CLPB: variants seen among roughly 807,000 people sequenced by gnomAD.
CLPB encodes ClpB family mitochondrial disaggregase, also known as mitochondrial disaggregase.
CLPB carries 40 observed loss-of-function variants against 78.4 expected under a neutral mutation model. The observed-to-expected ratio is 0.51, with a 90% CI of 0.40 to 0.66. CLPB has a LOEUF of 0.66. CLPB is among the 30% of genes least tolerant of loss of function. The probability of loss-of-function intolerance (pLI) is 0.00; values close to 1 mark genes in which losing one functional copy is unlikely to be tolerated. For missense variants in CLPB, 780 were observed against 886.9 expected (o/e 0.88, Z 1.53); for synonymous variants, 333 against 348.0 (o/e 0.96, Z 0.48).
intron 6 of CLPB, among the ~76,000 whole-genome samples, chr11:72,318,880 G>T (rs974080889): frequency 1.3e-5 from 2 of 152,156 alleles, no homozygotes; most frequent in Non-Finnish European, 2.9e-5. Context: ...TTCAGCCATA[G>T]ATCTGCTTTT....
intron 9 of CLPB, among the ~76,000 whole-genome samples, chr11:72,306,336 G>C (rs1032891707): frequency 2.0e-5 from 3 of 152,198 alleles, no homozygotes. Flanking sequence ...GGCTGGCAGA[G>C]GCCCAAGAAA....
At chr11:72,415,740 T>C (rs1367399168) in intron 2 of CLPB, among the ~76,000 whole-genome samples, 1 of 152,156 alleles carries the variant, frequency 6.6e-6, no homozygotes, top group African/African-American at 2.4e-5. Flanking sequence ...GATTACAAGC[T>C]TAACAGAACC....
intron 4 of CLPB, among the ~76,000 whole-genome samples, chr11:72,370,891 C>T (rs1951029081): frequency 6.6e-6 from 1 of 152,164 alleles, no homozygotes; most frequent in Admixed American, 6.5e-5. Context: ...ACCTTCAAGG[C>T]TCTTCTCTGT....
intron 15 of CLPB, 130 bp from the exon 16 acceptor site, chr11:72,293,745 A>G (rs1355484751): frequency 1.8e-5 from 21 of 1,148,242 alleles, no homozygotes; most frequent in East Asian, 1.5e-4. Context: ...TCATTTGCCA[A>G]TTGGGGCTAA....
At chr11:72,343,979 G>A (rs1443776325) in intron 5 of CLPB, among the ~76,000 whole-genome samples, 1 of 152,106 alleles carries the variant, frequency 6.6e-6, no homozygotes, top group Non-Finnish European at 1.5e-5. Flanking sequence ...TTCCATTTCT[G>A]TTTGTCAGGA....
At chr11:72,338,121 C>T (rs568074634) in intron 5 of CLPB, among the ~76,000 whole-genome samples, 1 of 152,314 alleles carries the variant, frequency 6.6e-6, no homozygotes, top group South Asian at 2.1e-4. Flanking sequence ...TTGAGCAGAA[C>T]TCAGAGTAGT....
intron 4 of CLPB, among the ~76,000 whole-genome samples, chr11:72,359,957 C>T (rs1183757770): frequency 6.6e-6 from 1 of 152,210 alleles, no homozygotes; most frequent in African/African-American, 2.4e-5. Context: ...GGTGACTCCA[C>T]ACACCCTGTT....
Position 72,286,911 on chromosome 11 carries a change from C to T in CLPB, c.*6456G>A, listed in dbSNP as rs952122530. 2 of 151,956 alleles carry T rather than the reference C, an allele frequency of 1.3e-5. No individual in the cohort carries two copies. Among genetic ancestry groups the T allele is most frequent in the African/African-American group, 2.4e-5 (1 of 41,370 alleles). 9.4% of individuals were successfully genotyped at this position (151,956 alleles called of 1,614,324 possible). A position where few individuals can be genotyped will look rare whatever the true frequency, so the allele number is the denominator to read the frequency against. On this transcript the variant is annotated 3_prime_UTR_variant, in exon 16 of 16. Transcript: ENST00000538039. ...TACTTACATTTTCTGAAAACAAGGA[C>T]GTTCTCTTCTGTAATCATAGTATAA...
At chr11:72,330,042 A>T (rs548068603) in intron 5 of CLPB, among the ~76,000 whole-genome samples, 8 of 152,362 alleles carry the variant, frequency 5.3e-5, no homozygotes, top group Admixed American at 3.3e-4. Context: ...ACATGCTAAG[A>T]AAGTATGCCA....
intron 3 of CLPB, among the ~76,000 whole-genome samples, chr11:72,402,153 A>C (rs1303577546): frequency 6.6e-6 from 1 of 152,042 alleles, no homozygotes; most frequent in African/African-American, 2.4e-5. Context: ...CTAGCTACTC[A>C]GGAGGGTGAG....
intron 2 of CLPB, chr11:72,408,091 T>C (rs1181652423): frequency 3.9e-6 from 6 of 1,525,298 alleles, no homozygotes; most frequent in Non-Finnish European, 5.3e-6. Flanking sequence ...GAAAGGGCTC[T>C]ACAAACCTGA....
intron 1 of CLPB, among the ~76,000 whole-genome samples, chr11:72,432,699 T>G (rs1427246123): frequency 6.6e-6 from 1 of 152,138 alleles, no homozygotes; most frequent in Non-Finnish European, 1.5e-5. Context: ...AAACCCTCAT[T>G]TTGTAGATGA....
chr11:72,373,122 C>T, intron 4 of CLPB: 2 of 871,302 alleles, frequency 2.3e-6, no homozygotes, highest in Admixed American at 2.1e-5. Flanking sequence ...AAGCCCTCTA[C>T]CCCCAGAAGG....
intron 5 of CLPB, among the ~76,000 whole-genome samples, chr11:72,340,388 A>G (rs935654540): frequency 4.6e-5 from 7 of 152,166 alleles, no homozygotes; most frequent in Non-Finnish European, 8.8e-5. Context: ...GTGGAACAGG[A>G]GGGATCGATA....
At chr11:72,301,641 G>A (rs1949657580) in intron 11 of CLPB, among the ~76,000 whole-genome samples, 162 bp downstream of exon 11, 1 of 152,232 alleles carries the variant, frequency 6.6e-6, no homozygotes, top group South Asian at 2.1e-4. Context: ...AGGCCCTAGT[G>A]CAGAGGGGCT....
At chr11:72,345,327 G>A (rs1435232146) in intron 5 of CLPB, among the ~76,000 whole-genome samples, 2 of 152,192 alleles carry the variant, frequency 1.3e-5, no homozygotes, top group African/African-American at 2.4e-5. Context: ...GAAGTATTAT[G>A]CAGCTATTAA....
intron 4 of CLPB, among the ~76,000 whole-genome samples, chr11:72,369,188 CA>C (rs1177586978): frequency 5.9e-5 from 9 of 152,264 alleles, no homozygotes; most frequent in African/African-American, 2.2e-4. Flanking sequence ...AGTGCAGACC[CA>C]GGGGGTGCTT....
chr11:72,420,016 T>C (rs1042043740), intron 2 of CLPB, among the ~76,000 whole-genome samples: 4 of 152,220 alleles, frequency 2.6e-5, no homozygotes, highest in African/African-American at 9.6e-5. Flanking sequence ...ATTATGACTG[T>C]AATAGCTACA....
At chr11:72,414,624 T>C (rs1855968117) in intron 2 of CLPB, among the ~76,000 whole-genome samples, 1 of 152,202 alleles carries the variant, frequency 6.6e-6, no homozygotes, top group Admixed American at 6.5e-5. Context: ...TGTTGGGCAT[T>C]GACAGACACC....
Sources: gnomAD v4.1 joint callset for allele counts (sites outside exome capture counted in the v4.1 genomes callset) on GRCh38, gnomAD v4.1.1 for gene constraint, MANE v1.5 for transcripts, NCBI Gene and HGNC (gene_info 2026-07-23, HGNC 2026-07-21) for gene names.